The following SLC38A5 variants were observed in gnomAD, a reference collection of about 807,000 sequenced individuals.
SLC38A5 encodes the protein sodium-coupled neutral amino acid transporter 5.
SLC38A5 carries 9 observed loss-of-function variants against 34.6 expected under a neutral mutation model. The ratio of observed to expected loss-of-function variants is 0.26; its 90% CI spans 0.16 to 0.45. SLC38A5 has a LOEUF of 0.45. SLC38A5 is among the 20% of genes least tolerant of loss of function. The pLI, the probability that SLC38A5 is intolerant of heterozygous loss-of-function variation, is 1.00. For synonymous variants in SLC38A5, 157 were observed against 155.6 expected, an observed-to-expected ratio of 1.01 and a Z score of -0.07; for missense variants, 253 against 394.7, an observed-to-expected ratio of 0.64 and a Z score of 3.04.
rs782262041 is a variant in SLC38A5, at chrX:48,458,658, GCCTCCTCCTCCTCCTCCT to G, written c.*257_*274del. 3 of 691,810 alleles carry G rather than the reference GCCTCCTCCTCCTCCTCCT, an allele frequency of 4.3e-6. No homozygotes were observed. In the African/African-American group the frequency reaches 7.9e-5, roughly 18 times the overall value. 57.0% of individuals were successfully genotyped at this position (691,810 alleles called of 1,213,427 possible). On this transcript the variant is annotated 3_prime_UTR_variant, in exon 17 of 17. Transcript: ENST00000620913. ...TGGGCAAAGGCTCCACCAGGACCTG[GCCTCCTCCTCCTCCTCCT>G]CCTCCTCCTCCTCCTCCTCTTCTTC...
Position 48,458,824 on chromosome X carries a change from A to AGGT in SLC38A5, c.*108_*109insACC. The AGGT allele has an allele frequency of 7.3e-6, 8 of 1,096,567 alleles. No individual in the cohort carries two copies. The highest frequency in any genetic ancestry group is 8.4e-6 in the Non-Finnish European group (7 of 837,933). The allele number at this position is 1,096,567 out of a possible 1,213,427, so 90.4% of individuals were successfully genotyped here. Reference sequence around the variant, plus strand: ...CTGCTGTCCCCCGCCTCTGACAACCACGTTCATGGGAACCAGCCACCTCCA... The same window carrying AGGT: ...CTGCTGTCCCCCGCCTCTGACAACCAGGTCGTTCATGGGAACCAGCCACCTCCA... On this transcript the variant is annotated 3_prime_UTR_variant, in exon 17 of 17. Coordinates refer to ENST00000620913, the MANE Select transcript of SLC38A5 (RefSeq NM_033518.4).
At position 48,458,658 on chromosome X, in the gene SLC38A5, GCCT is replaced by G. The variant is rs782262041; in HGVS notation, c.*272_*274del. 3.4e-3 allele frequency: 2,616 copies of G among 780,669 alleles called. 6 individuals carry two copies. Among genetic ancestry groups the G allele is most frequent in the East Asian group, 0.02 (364 of 17,947 alleles). The allele number at this position is 780,669 out of a possible 1,213,427, so 64.3% of individuals were successfully genotyped here. A position where few individuals can be genotyped will look rare whatever the true frequency, so the allele number is the denominator to read the frequency against. ...TGGGCAAAGGCTCCACCAGGACCTG[GCCT>G]CCTCCTCCTCCTCCTCCTCCTCCTC... On this transcript the variant is annotated 3_prime_UTR_variant, in exon 17 of 17. Coordinates refer to ENST00000620913, the MANE Select transcript of SLC38A5 (RefSeq NM_033518.4).
In SLC38A5 at chrX:48,459,796, C is replaced by A. The variant is rs2061422369; in HGVS notation, c.1149G>T (p.Leu383=). The change falls in exon 15 of 17, where the codon CTG becomes CTT. Residue 383 remains leucine, a synonymous_variant. Transcript: ENST00000620913. ...WPRHVAIALI[L]LVLVNVLVIC... ...TGACAAGGACATTGACCAAAACAAG[C>A]AGGATCAGAGCTATGGCCACATGTC... The A allele has an allele frequency of 3.3e-6, 4 of 1,209,901 alleles. No individual in the cohort carries two copies. The highest frequency in any genetic ancestry group is 4.5e-6 in the Non-Finnish European group (4 of 895,139).
intron 9 of SLC38A5, 101 bp from the exon 10 acceptor site, chrX:48,462,392 A>C: frequency 1.2e-6 from 1 of 851,710 alleles, no homozygotes; most frequent in Non-Finnish European, 1.7e-6. Context: ...GGATCACCTG[A>C]GGTCAGGAGT....
At position 48,458,546 on chromosome X, in the gene SLC38A5, G is replaced by A; in HGVS notation, c.*387C>T. ...AGATCAGAAGGCTGAGTCCAGAGTG[G>A]TAGCTCAACATCTTTATTTTTCCTC... On this transcript the variant is annotated 3_prime_UTR_variant, in exon 17 of 17. Coordinates refer to ENST00000620913, the MANE Select transcript of SLC38A5 (RefSeq NM_033518.4). The A allele has an allele frequency of 1.2e-6, 1 of 807,496 alleles. No individual in the cohort carries two copies. Among genetic ancestry groups the A allele is most frequent in the Non-Finnish European group, 1.5e-6 (1 of 671,560 alleles). The allele number at this position is 807,496 out of a possible 1,213,427, so 66.5% of individuals were successfully genotyped here. A position where few individuals can be genotyped will look rare whatever the true frequency, so the allele number is the denominator to read the frequency against.
At chrX:48,461,141 G>A in intron 12 of SLC38A5, 55 bp from the exon 13 acceptor site, 1 of 1,034,013 alleles carries the variant, frequency 9.7e-7, no homozygotes. Context: ...CTTGCCCCAG[G>A]TCCCTCAAAG....
chrX:48,460,638 G>A lies in SLC38A5; in HGVS notation c.1068+11C>T, dbSNP rs1569468990. On this transcript the variant is annotated intron_variant, in intron 14 of 16. Transcript: ENST00000620913. ...CCATCCATGTCCCTCTCAGCCGTGG[G>A]CCCCACGCACAGGGAACAGCACGAC... 1 of 1,206,911 alleles carries A rather than the reference G, an allele frequency of 8.3e-7. No homozygotes were observed. The highest frequency in any genetic ancestry group is 1.1e-6 in the Non-Finnish European group (1 of 891,577).
chrX:48,467,795 G>A lies in SLC38A5; in HGVS notation c.54-10C>T. On this transcript the variant is annotated splice_polypyrimidine_tract_variant and intron_variant, in intron 3 of 16. Coordinates refer to ENST00000620913, the MANE Select transcript of SLC38A5 (RefSeq NM_033518.4). ...ACGTTCTTGCCTGTAGCTGGATAGG[G>A]CAGGGAAATAGGGGCCGATAAGAGG... is the stretch of plus-strand genomic sequence containing the variant. 1.7e-6 allele frequency: 2 copies of A among 1,206,622 alleles called. No individual in the cohort carries two copies. Among genetic ancestry groups the A allele is most frequent in the Non-Finnish European group, 2.2e-6 (2 of 892,891 alleles).
Position 48,458,976 on chromosome X carries a change from A to G in SLC38A5, c.1376T>C (p.Phe459Ser), listed in dbSNP as rs1556961289. 1 of 1,195,027 alleles carries G rather than the reference A, an allele frequency of 8.4e-7. No individual in the cohort carries two copies. The highest frequency in any genetic ancestry group is 1.1e-6 in the Non-Finnish European group (1 of 886,274). Reference protein sequence around the residue: ...LFMAVSLGFMFANWATGQSRM... With the variant: ...LFMAVSLGFMSANWATGQSRM... The stretch of plus-strand genomic sequence containing the variant: ...GCTCTGGCCTGTGGCCCAGTTGGCA[A>G]ACATAAAGCCTAGACTGACGGCCAT... The change falls in exon 17 of 17, where the codon TTT becomes TCT. Residue 459 changes from phenylalanine to serine, a missense_variant. Coordinates refer to ENST00000620913, the MANE Select transcript of SLC38A5 (RefSeq NM_033518.4).
chrX:48,466,397 G>T, intron 6 of SLC38A5, 75 bp from the exon 7 acceptor site: 1 of 1,041,237 alleles, frequency 9.6e-7, no homozygotes, highest in Non-Finnish European at 1.3e-6. Context: ...GGGCCCAGGA[G>T]CTGGGGAGTT....
chrX:48,466,770 G>A (rs1470630837), intron 6 of SLC38A5, 29 bp downstream of exon 6: 10 of 1,171,301 alleles, frequency 8.5e-6, no homozygotes, highest in Non-Finnish European at 1.1e-5. Context: ...GGGTGGAGTG[G>A]GGACTGGGAT....
chrX:48,465,310 T>TCACACA (rs57524341), intron 8 of SLC38A5, among the ~76,000 whole-genome samples: 13 of 103,459 alleles, frequency 1.3e-4, no homozygotes, highest in Admixed American at 5.3e-4. Context: ...CATTCAGGGA[T>TCACACA]CACACACACA....
chrX:48,468,092 C>A, intron 2 of SLC38A5, 167 bp from the exon 3 acceptor site: 3 of 856,745 alleles, frequency 3.5e-6, no homozygotes, highest in Non-Finnish European at 4.7e-6. Flanking sequence ...TGGAGGCAGA[C>A]TGACAGAGAA....
intron 1 of SLC38A5, chrX:48,469,714 G>A (rs73483890): frequency 0.027 from 3,039 of 111,636 alleles, 99 homozygotes; most frequent in African/African-American, 0.094. Flanking sequence ...AGAGAGAGTA[G>A]GAGAACTGAA....
chrX:48,459,194 G>GA (rs2147053978), intron 16 of SLC38A5, 160 bp from the exon 17 acceptor site: 5 of 554,612 alleles, frequency 9.0e-6, no homozygotes, highest in African/African-American at 2.3e-5. Context: ...CCCTTTCTGC[G>GA]AGTCCTTCCA....
intron 4 of SLC38A5, chrX:48,467,496 G>A (rs781902190): frequency 6.8e-6 from 3 of 440,360 alleles, no homozygotes; most frequent in East Asian, 7.5e-5. Context: ...AAGAGCGGGT[G>A]GGGAGAAACA....
intron 6 of SLC38A5, 52 bp from the exon 7 acceptor site, chrX:48,466,374 G>A: frequency 8.9e-7 from 1 of 1,128,350 alleles, no homozygotes; most frequent in East Asian, 3.2e-5. Flanking sequence ...CCAGGCCAGA[G>A]GTGCAGGCCA....
chrX:48,459,989 TCTGA>T (rs1556961501), intron 14 of SLC38A5, 113 bp from the exon 15 acceptor site: 10 of 993,936 alleles, frequency 1.0e-5, no homozygotes, highest in Non-Finnish European at 1.3e-5. Flanking sequence ...TTCCCCTCCC[TCTGA>T]CTATCTATGG....
intron 6 of SLC38A5, 118 bp from the exon 7 acceptor site, chrX:48,466,440 G>A: frequency 1.4e-6 from 1 of 699,880 alleles, no homozygotes; most frequent in Non-Finnish European, 2.2e-6. Context: ...GACTGATGGA[G>A]GATGAAGGTG....
Sources: allele counts gnomAD v4.1 joint callset (sites outside exome capture counted in the v4.1 genomes callset), GRCh38; gene constraint gnomAD v4.1.1; transcripts MANE v1.5; gene names NCBI Gene and HGNC (gene_info 2026-07-23, HGNC 2026-07-21).